Variants in TAF4B observed in about 807,000 individuals in gnomAD.
TAF4B encodes the protein TATA-box binding protein associated factor 4b.
In TAF4B, 38 loss-of-function variants were observed where a neutral mutation model predicts 86.4. That is an observed-to-expected ratio of 0.44 (90% CI 0.34 to 0.58). TAF4B has a LOEUF of 0.58. Among genes scored for constraint, TAF4B ranks in the 20% least tolerant of loss-of-function variants. The probability of loss-of-function intolerance (pLI) is 0.02; values close to 1 mark genes in which losing one functional copy is unlikely to be tolerated. For missense variants in TAF4B, 988 were observed against 1,027.6 expected (o/e 0.96, Z 0.53); for synonymous variants, 388 against 391.2 (o/e 0.99, Z 0.10).
At chr18:26,298,717 C>T (rs1225647302) in intron 9 of TAF4B, among the ~76,000 whole-genome samples, 1 of 151,238 alleles carries the variant, frequency 6.6e-6, no homozygotes, top group Non-Finnish European at 1.5e-5. Flanking sequence ...TTTTATTTCC[C>T]ATTTATTGTA....
chr18:26,356,541 T>C (rs937743851), intron 13 of TAF4B, among the ~76,000 whole-genome samples: 3 of 152,158 alleles, frequency 2.0e-5, no homozygotes, highest in Non-Finnish European at 4.4e-5. Context: ...GTTAAAAGAT[T>C]TTGGTTAGTA....
intron 14 of TAF4B, among the ~76,000 whole-genome samples, chr18:26,359,529 T>C (rs1320177969): frequency 6.6e-6 from 1 of 152,220 alleles, no homozygotes; most frequent in Non-Finnish European, 1.5e-5. Context: ...AGTAGAACTG[T>C]GTCCTGTATA....
At position 26,275,851 on chromosome 18, in the gene TAF4B, A is replaced by T. The variant is rs530013832; in HGVS notation, c.882+798A>T. ...GCCAACATGGTGAAATCTCTTCTCT[A>T]CTAAAAATATAAAAATTAGCCAGGT... is the stretch of plus-strand genomic sequence containing the variant. On this transcript the variant is annotated intron_variant, in intron 5 of 14. Coordinates refer to ENST00000269142, the MANE Select transcript of TAF4B (RefSeq NM_005640.3). Among the ~76,000 whole-genome samples, 401 of 152,128 alleles carry T rather than the reference A, an allele frequency of 2.6e-3. 3 individuals are homozygous for T. The highest frequency in any genetic ancestry group is 9.3e-3 in the African/African-American group (386 of 41,502).
intron 9 of TAF4B, among the ~76,000 whole-genome samples, chr18:26,296,584 A>G (rs1280588371): frequency 6.6e-6 from 1 of 152,160 alleles, no homozygotes; most frequent in Non-Finnish European, 1.5e-5. Context: ...TCTGGAAGAC[A>G]GTAATCCAGG....
intron 14 of TAF4B, among the ~76,000 whole-genome samples, chr18:26,365,002 C>CTTTTTTTTTTTT (rs1236686001): frequency 1.8e-5 from 2 of 109,244 alleles, no homozygotes; most frequent in Non-Finnish European, 3.7e-5. Flanking sequence ...TAATTCTATT[C>CTTTTTTTTTTTT]TTTTTTTTTT....
intron 3 of TAF4B, among the ~76,000 whole-genome samples, chr18:26,269,847 G>C (rs1018059508): frequency 2.0e-5 from 3 of 152,036 alleles, no homozygotes; most frequent in Non-Finnish European, 4.4e-5. Flanking sequence ...TCTGACTCTG[G>C]AAACTGTTCT....
At chr18:26,317,304 T>C (rs966687055) in intron 10 of TAF4B, among the ~76,000 whole-genome samples, 7 of 152,180 alleles carry the variant, frequency 4.6e-5, no homozygotes, top group African/African-American at 1.7e-4. Flanking sequence ...ATGCTGGGGT[T>C]ACAGTCGTGA....
intron 13 of TAF4B, among the ~76,000 whole-genome samples, chr18:26,341,701 G>C (rs2057138099): frequency 6.7e-6 from 1 of 150,270 alleles, no homozygotes; most frequent in Non-Finnish European, 1.5e-5. Context: ...GTGGTTGGGA[G>C]AAAAAAAAAT....
rs75539623 is a variant in TAF4B, at chr18:26,315,595, T to C, written c.2002+197T>C. On this transcript the variant is annotated intron_variant, in intron 10 of 14. Coordinates refer to ENST00000269142, the MANE Select transcript of TAF4B (RefSeq NM_005640.3). ...TATTAATATAACATGGTATTGGGTT[T>C]GGTTAATATTTTACTCATATTTCTT... 4.1e-3 allele frequency among the ~76,000 whole-genome samples: 625 copies of C among 152,262 alleles called. 2 individuals carry two copies. Among genetic ancestry groups the C allele is most frequent in the African/African-American group, 0.014 (602 of 41,558 alleles).
rs2056901094 is a variant in TAF4B, at chr18:26,315,347, G to A, written c.1951G>A (p.Asp651Asn). The change falls in exon 10 of 15, where the codon GAT becomes AAT. Residue 651 changes from aspartate to asparagine, a missense_variant. Asp to Asn is a conservative substitution (Grantham distance 23). Coordinates refer to ENST00000269142, the MANE Select transcript of TAF4B (RefSeq NM_005640.3). ...LVGTLIQSCK[D>N]EPFLFIGALQ... ...TGGCACACTCATTCAGTCATGTAAAGATGAACCATTTCTTTTTATTGGAGC... is the reference window on the plus strand; with the variant it reads ...TGGCACACTCATTCAGTCATGTAAAAATGAACCATTTCTTTTTATTGGAGC... 1 of 1,613,368 alleles carries A rather than the reference G, an allele frequency of 6.2e-7. No homozygotes were observed. Among genetic ancestry groups the A allele is most frequent in the Non-Finnish European group, 8.5e-7 (1 of 1,179,856 alleles).
chr18:26,315,410 G>C lies in TAF4B; in HGVS notation c.2002+12G>C. On this transcript the variant is annotated intron_variant, in intron 10 of 14. Transcript: ENST00000269142. ...AATTTTAGACATTGGTAAGTGTAGAGTTATGATTATTGACCTGATAGAGAT... is the reference window on the plus strand; with the variant it reads ...AATTTTAGACATTGGTAAGTGTAGACTTATGATTATTGACCTGATAGAGAT... The C allele has an allele frequency of 6.3e-7, 1 of 1,599,348 alleles. No homozygotes were observed. Among genetic ancestry groups the C allele is most frequent in the Non-Finnish European group, 8.5e-7 (1 of 1,173,046 alleles).
intron 6 of TAF4B, among the ~76,000 whole-genome samples, chr18:26,285,214 T>C (rs867760340): frequency 2.1e-5 from 2 of 94,914 alleles, no homozygotes; most frequent in African/African-American, 1.2e-4. Flanking sequence ...CCTTTCCTTT[T>C]TTTTTTTGTT....
At chr18:26,326,498 T>C (rs2057006149) in intron 11 of TAF4B, among the ~76,000 whole-genome samples, 1 of 152,244 alleles carries the variant, frequency 6.6e-6, no homozygotes, top group South Asian at 2.1e-4. Context: ...ATAGAAGTTA[T>C]ATTCAGTTGT....
chr18:26,339,377 G>A (rs1226391003), intron 13 of TAF4B, among the ~76,000 whole-genome samples: 2 of 152,110 alleles, frequency 1.3e-5, no homozygotes, highest in Non-Finnish European at 2.9e-5. Flanking sequence ...CCAGGCTGGA[G>A]CGCAGTGACG....
intron 1 of TAF4B, among the ~76,000 whole-genome samples, chr18:26,242,677 C>T (rs1007225776): frequency 6.6e-6 from 1 of 152,162 alleles, no homozygotes; most frequent in Non-Finnish European, 1.5e-5. Context: ...TTCTTCCTAG[C>T]ATCGATGGTC....
intron 14 of TAF4B, among the ~76,000 whole-genome samples, chr18:26,385,707 C>A (rs1476201410): frequency 9.2e-6 from 1 of 108,502 alleles, no homozygotes; most frequent in East Asian, 4.5e-4. Flanking sequence ...TCTTCTTCTT[C>A]TTCTTCTTGC....
At chr18:26,328,134 T>C (rs1456403666) in intron 12 of TAF4B, among the ~76,000 whole-genome samples, 3 of 152,284 alleles carry the variant, frequency 2.0e-5, no homozygotes, top group African/African-American at 4.8e-5. Context: ...CCTAATCACA[T>C]AGCAATTACT....
intron 10 of TAF4B, among the ~76,000 whole-genome samples, chr18:26,316,648 G>C (rs1346641760): frequency 6.6e-6 from 1 of 152,102 alleles, no homozygotes; most frequent in Non-Finnish European, 1.5e-5. Flanking sequence ...GCCTCCCAAA[G>C]TGCTGGGATT....
intron 14 of TAF4B, among the ~76,000 whole-genome samples, chr18:26,362,544 G>GA (rs1161315214): frequency 1.3e-5 from 2 of 152,094 alleles, no homozygotes; most frequent in African/African-American, 4.8e-5. Flanking sequence ...TTGAATCTGA[G>GA]AAAATCCATT....
Sources: gnomAD v4.1 joint callset for allele counts (sites outside exome capture counted in the v4.1 genomes callset) on GRCh38, gnomAD v4.1.1 for gene constraint, MANE v1.5 for transcripts, NCBI Gene and HGNC (gene_info 2026-07-23, HGNC 2026-07-21) for gene names.